Variants in NUDCD1 observed in about 807,000 individuals in gnomAD.
NUDCD1 encodes nudC domain-containing protein 1.
In NUDCD1, 60 loss-of-function variants were observed where a neutral mutation model predicts 67.8. That is an observed-to-expected ratio of 0.88 (90% CI 0.72 to 1.10). The LOEUF (loss-of-function observed/expected upper bound fraction) is 1.10, where lower values mean the gene tolerates loss of function less well. NUDCD1 is among the 50% of genes least tolerant of loss of function. The pLI, the probability that NUDCD1 is intolerant of heterozygous loss-of-function variation, is 0.00. For missense variants in NUDCD1, 643 were observed against 695.0 expected (o/e 0.93, Z 0.84); for synonymous variants, 244 against 230.8 (o/e 1.06, Z -0.52).
intron 2 of NUDCD1, among the ~76,000 whole-genome samples, chr8:109,306,604 C>T (rs910883285): frequency 2.0e-5 from 3 of 151,524 alleles, no homozygotes; most frequent in South Asian, 2.1e-4. Flanking sequence ...TCCAAAAACT[C>T]GCCAACCAAG....
chr8:109,319,621 T>A (rs976058815), intron 2 of NUDCD1, among the ~76,000 whole-genome samples: 1 of 152,094 alleles, frequency 6.6e-6, no homozygotes, highest in Non-Finnish European at 1.5e-5. Flanking sequence ...AGGTAGTTAA[T>A]CAATGAGAAA....
rs1467788820 is a variant in NUDCD1 at position 109,293,330 on chromosome 8, G to T, written c.640+14C>A. On this transcript the variant is annotated intron_variant, in intron 4 of 9. Transcript: ENST00000239690. ...ATGCCAACCAGTAGAGACAGATTCAGACTTTTGTTTTACCTTGATTTTTCT... is the reference window on the plus strand; with the variant it reads ...ATGCCAACCAGTAGAGACAGATTCATACTTTTGTTTTACCTTGATTTTTCT... 3.4e-6 allele frequency: 5 copies of T among 1,471,506 alleles called. No homozygotes were observed. The East Asian group carries it at 7.2e-5, about 21-fold the overall frequency. The allele number at this position is 1,471,506 out of a possible 1,614,324, so 91.2% of individuals were successfully genotyped here.
At chr8:109,254,934 G>C (rs1813697493) in intron 8 of NUDCD1, among the ~76,000 whole-genome samples, 1 of 152,072 alleles carries the variant, frequency 6.6e-6, no homozygotes, top group South Asian at 2.1e-4. Context: ...TTCTTACTAT[G>C]CATCAAGTAT....
intron 2 of NUDCD1, among the ~76,000 whole-genome samples, chr8:109,311,033 C>T (rs1048337302): frequency 6.6e-6 from 1 of 152,004 alleles, no homozygotes; most frequent in Non-Finnish European, 1.5e-5. Flanking sequence ...CCAGGACGGT[C>T]TCAATCTCCT....
rs1277125279 is a variant in NUDCD1, at chr8:109,249,826, T to A, written c.1300-4345A>T. ...ATAAGAATCCCATTAAAAAATGAGA[T>A]ATATAAAGAATTGTTGAATTCTTTT... On this transcript the variant is annotated intron_variant, in intron 8 of 9. Transcript: ENST00000239690. Among the ~76,000 whole-genome samples, 4 of 151,080 alleles carry A rather than the reference T, an allele frequency of 2.6e-5. No homozygotes were observed. The Admixed American group carries it at 2.7e-4, about 10-fold the overall frequency.
chr8:109,279,148 G>A (rs1425487659), intron 6 of NUDCD1, among the ~76,000 whole-genome samples: 1 of 152,158 alleles, frequency 6.6e-6, no homozygotes, highest in Admixed American at 6.5e-5. Flanking sequence ...GAGTAGAATT[G>A]TTAAGATTAA....
chr8:109,242,044 C>G lies in NUDCD1; in HGVS notation c.*965G>C. The G allele has an allele frequency of 2.5e-6, 1 of 398,002 alleles. No individual in the cohort carries two copies. Among genetic ancestry groups the G allele is most frequent in the Non-Finnish European group, 4.4e-6 (1 of 225,644 alleles). 24.7% of individuals were successfully genotyped at this position (398,002 alleles called of 1,614,324 possible). A position where few individuals can be genotyped will look rare whatever the true frequency, so the allele number is the denominator to read the frequency against. On this transcript the variant is annotated 3_prime_UTR_variant, in exon 10 of 10. Coordinates refer to ENST00000239690, the MANE Select transcript of NUDCD1 (RefSeq NM_032869.4). ...GTTGTTAGAAAAATAAAGAGAGCCA[C>G]AAGGATAAATTATAATTTGTCCTTG...
intron 4 of NUDCD1, among the ~76,000 whole-genome samples, chr8:109,292,760 T>C (rs1247338715): frequency 6.6e-6 from 1 of 152,076 alleles, no homozygotes; most frequent in Non-Finnish European, 1.5e-5. Flanking sequence ...AGATTGTAAT[T>C]TTTAATGTCA....
At chr8:109,311,238 CCA>C (rs1815240398) in intron 2 of NUDCD1, among the ~76,000 whole-genome samples, 2 of 152,100 alleles carry the variant, frequency 1.3e-5, no homozygotes, top group Non-Finnish European at 2.9e-5. Context: ...CTTAGTCCTG[CCA>C]GAATGGCCAT....
intron 4 of NUDCD1, among the ~76,000 whole-genome samples, chr8:109,292,111 C>CA (rs1814724630): frequency 6.6e-6 from 1 of 151,412 alleles, no homozygotes; most frequent in African/African-American, 2.4e-5. Flanking sequence ...AAATATATGT[C>CA]AAAAAAACAT....
At chr8:109,254,440 T>C (rs1464260551) in intron 8 of NUDCD1, among the ~76,000 whole-genome samples, 1 of 152,170 alleles carries the variant, frequency 6.6e-6, no homozygotes, top group Admixed American at 6.5e-5. Context: ...TTAACTTATT[T>C]AGGCAATTTA....
In NUDCD1 at chr8:109,241,912, A is replaced by C; in HGVS notation, c.*1097T>G. On this transcript the variant is annotated 3_prime_UTR_variant, in exon 10 of 10. Coordinates refer to ENST00000239690, the MANE Select transcript of NUDCD1 (RefSeq NM_032869.4). ...TCTTGAAATGGTATAAAAAGTAATA[A>C]AAATTTCCAGGTACATACATACTAA... 2.5e-6 allele frequency: 1 copy of C among 394,448 alleles called. No individual in the cohort carries two copies. Among genetic ancestry groups the C allele is most frequent in the Non-Finnish European group, 4.5e-6 (1 of 223,670 alleles). 24.4% of individuals were successfully genotyped at this position (394,448 alleles called of 1,614,324 possible). A position where few individuals can be genotyped will look rare whatever the true frequency, so the allele number is the denominator to read the frequency against.
chr8:109,273,387 G>A (rs1006198529), intron 7 of NUDCD1, among the ~76,000 whole-genome samples: 39 of 152,108 alleles, frequency 2.6e-4, no homozygotes, highest in African/African-American at 8.9e-4. Context: ...GAATTAAGAA[G>A]GTAGGCAAAA....
rs1814655509 is a variant in NUDCD1, at chr8:109,289,601, T to C, written c.823+150A>G. On this transcript the variant is annotated intron_variant, in intron 5 of 9. Coordinates refer to ENST00000239690, the MANE Select transcript of NUDCD1 (RefSeq NM_032869.4). ...CACACTATTAAGGTGGTATACCTTA[T>C]AAAAGACTTCTGGAAAATACATGAG... 1.6e-5 allele frequency: 8 copies of C among 503,118 alleles called. No homozygotes were observed. In the East Asian group the frequency reaches 2.5e-4, roughly 16 times the overall value. 31.2% of individuals were successfully genotyped at this position (503,118 alleles called of 1,614,324 possible).
At chr8:109,290,756 T>C (rs984376525) in intron 4 of NUDCD1, among the ~76,000 whole-genome samples, 78 of 152,290 alleles carry the variant, frequency 5.1e-4, no homozygotes, top group African/African-American at 1.7e-3. Flanking sequence ...CTTTTACCTA[T>C]ACTGTTACTC....
chr8:109,247,429 C>A (rs1186035122), intron 8 of NUDCD1, among the ~76,000 whole-genome samples: 1 of 152,044 alleles, frequency 6.6e-6, no homozygotes, highest in Non-Finnish European at 1.5e-5. Flanking sequence ...GAATAGAGGA[C>A]CTTGAACCAC....
At chr8:109,272,033 A>C (rs1383317642) in intron 7 of NUDCD1, among the ~76,000 whole-genome samples, 1 of 152,120 alleles carries the variant, frequency 6.6e-6, no homozygotes, top group Non-Finnish European at 1.5e-5. Flanking sequence ...CTACACTAGA[A>C]AAAATGCTAA....
At chr8:109,275,007 C>T (rs1301076845) in intron 7 of NUDCD1, among the ~76,000 whole-genome samples, 1 of 152,038 alleles carries the variant, frequency 6.6e-6, no homozygotes, top group African/African-American at 2.4e-5. Flanking sequence ...TAAGTAGATT[C>T]TTAGCAAATA....
intron 5 of NUDCD1, among the ~76,000 whole-genome samples, chr8:109,289,517 C>A (rs925253296): frequency 7.2e-5 from 11 of 151,902 alleles, no homozygotes; most frequent in Non-Finnish European, 1.2e-4. Context: ...AGCTAATAAA[C>A]GATTTTTTAA....
Sources: gnomAD v4.1 joint callset for allele counts (sites outside exome capture counted in the v4.1 genomes callset) on GRCh38, gnomAD v4.1.1 for gene constraint, MANE v1.5 for transcripts, NCBI Gene and HGNC (gene_info 2026-07-23, HGNC 2026-07-21) for gene names.